NOS3: variants seen among roughly 807,000 people sequenced by gnomAD.
The protein encoded by NOS3 is NOS type III.
In NOS3, 98 loss-of-function variants were observed where a neutral mutation model predicts 144.9. The ratio of observed to expected loss-of-function variants is 0.68; its 90% CI spans 0.57 to 0.80. The LOEUF is 0.80. Ranked by LOEUF, NOS3 falls within the 30% of genes least tolerant of loss-of-function variation. The probability of loss-of-function intolerance (pLI) is 0.00; values close to 1 mark genes in which losing one functional copy is unlikely to be tolerated. For synonymous variants in NOS3, 714 were observed against 702.4 expected, an observed-to-expected ratio of 1.02 and a Z score of -0.26; for missense variants, 1,465 against 1,656.4, an observed-to-expected ratio of 0.88 and a Z score of 2.01.
Position 150,993,695 on chromosome 7 carries a change from A to C in NOS3, c.-51-58A>C, listed in dbSNP as rs1209927607. On this transcript the variant is annotated intron_variant, in intron 1 of 26. Transcript: ENST00000297494. This position sits in a 1 kb window ranked among gnomAD's most constrained non-coding sequence, Gnocchi z 4.0. The stretch of plus-strand genomic sequence containing the variant: ...ATGGGATAGGGGCGGGGCGAGGGCC[A>C]GCACTGGAGAGCCCCCTCCCACTGC... 1 of 1,127,426 alleles carries C rather than the reference A, an allele frequency of 8.9e-7. No homozygotes were observed. Among genetic ancestry groups the C allele is most frequent in the East Asian group, 2.5e-5 (1 of 39,258 alleles). 69.8% of individuals were successfully genotyped at this position (1,127,426 alleles called of 1,614,324 possible). A position where few individuals can be genotyped will look rare whatever the true frequency, so the allele number is the denominator to read the frequency against.
In NOS3 at chr7:151,001,938, A is replaced by G. The variant is rs1167333851; in HGVS notation, c.1620A>G (p.Arg540=). 1 of 1,612,434 alleles carries G rather than the reference A, an allele frequency of 6.2e-7. No individual in the cohort carries two copies. The highest frequency in any genetic ancestry group is 1.7e-5 in the Admixed American group (1 of 59,916). ...RAQSYAQQLG[R]LFRKAFDPRV... ...AGAGCTACGCACAGCAGCTGGGGAG[A>G]CTCTTCCGGAAGGCTTTTGATCCCC... is the stretch of plus-strand genomic sequence containing the variant. The change falls in exon 13 of 27, where the codon AGA becomes AGG. Residue 540 remains arginine (R), a synonymous_variant. Transcript: ENST00000297494.
chr7:150,996,691 A>G, intron 4 of NOS3, 72 bp from the exon 5 acceptor site: 1 of 1,543,216 alleles, frequency 6.5e-7, no homozygotes, highest in East Asian at 2.3e-5. Flanking sequence ...GCACTTGCAC[A>G]AAGCCTGGAG....
chr7:151,000,469 T>C (rs1435023712), intron 9 of NOS3, 29 bp from the exon 10 acceptor site: 6 of 1,418,032 alleles, frequency 4.2e-6, no homozygotes, highest in African/African-American at 1.4e-5. Context: ...CCTCTGTCCC[T>C]ACCGATGCCA....
At position 151,002,673 on chromosome 7, in the gene NOS3, G is replaced by A. The variant is rs1795135862; in HGVS notation, c.1752+369G>A. On this transcript the variant is annotated intron_variant, in intron 14 of 26. Coordinates refer to ENST00000297494, the MANE Select transcript of NOS3 (RefSeq NM_000603.5). This position sits in a 1 kb window ranked among gnomAD's most constrained non-coding sequence, Gnocchi z 4.1. ...TGCTCGGGCACTGACAAGAAAAACAGGGATACGTCACTGAGGGCGGCTTCT... is the reference window on the plus strand; with the variant it reads ...TGCTCGGGCACTGACAAGAAAAACAAGGATACGTCACTGAGGGCGGCTTCT... Among the ~76,000 whole-genome samples, 1 of 152,218 alleles carries A rather than the reference G, an allele frequency of 6.6e-6. No individual in the cohort carries two copies. The highest frequency in any genetic ancestry group is 6.5e-5 in the Admixed American group (1 of 15,286).
rs780400434 is a variant in NOS3, at chr7:151,002,256, G to A, written c.1704G>A (p.Leu568=). 5.6e-6 allele frequency: 9 copies of A among 1,601,518 alleles called. No homozygotes were observed. The highest frequency in any genetic ancestry group is 7.7e-6 in the Non-Finnish European group (9 of 1,174,102). Residue 568 remains leucine, a synonymous_variant, in exon 14 of 27, where the codon CTG becomes CTA. Transcript: ENST00000297494. This position sits in a 1 kb window ranked among gnomAD's most constrained non-coding sequence, Gnocchi z 4.1. The part of the protein sequence containing the change: ...VVSLEHETLV[L]VVTSTFGNGD... ...CCCTCGAACACGAGACGCTGGTGCT[G>A]GTGGTAACCAGCACATTTGGGAATG... is the stretch of plus-strand genomic sequence containing the variant.
rs1177079858 is a variant in NOS3, at chr7:150,991,061, A to C, written c.-291A>C. The C allele has an allele frequency of 6.6e-6, 1 of 152,268 alleles. No homozygotes were observed. The highest frequency in any genetic ancestry group is 1.5e-5 in the Non-Finnish European group (1 of 68,076). 9.4% of individuals were successfully genotyped at this position (152,268 alleles called of 1,614,324 possible). ...AAGCTAGGAGGGGGTTGTTTACTGA[A>C]ACTAGGGGCAAGGAGACGAAGAGAA... On this transcript the variant is annotated 5_prime_UTR_variant, in exon 1 of 27. Transcript: ENST00000297494.
At chr7:151,012,521 G>T in intron 24 of NOS3, 49 bp downstream of exon 24, 1 of 1,579,058 alleles carries the variant, frequency 6.3e-7, no homozygotes. Flanking sequence ...CACAATCTAG[G>T]GACAGAGGGG....
In NOS3 at chr7:150,993,509, A is replaced by G. The variant is rs1277121322; in HGVS notation, c.-51-244A>G. On this transcript the variant is annotated intron_variant, in intron 1 of 26. Transcript: ENST00000297494. The surrounding 1 kb of genome is among the most constrained non-coding windows in gnomAD (Gnocchi z 4.0). Reference sequence around the variant, plus strand: ...GCCACTCCCCAATGCCCCAGCCCCCATGCTGCAGCCCCAGGGCTCTGCTGG... The same window carrying G: ...GCCACTCCCCAATGCCCCAGCCCCCGTGCTGCAGCCCCAGGGCTCTGCTGG... Among the ~76,000 whole-genome samples, 3 of 151,568 alleles carry G rather than the reference A, an allele frequency of 2.0e-5. No homozygotes were observed. Among genetic ancestry groups the G allele is most frequent in the Non-Finnish European group, 4.4e-5 (3 of 67,844 alleles).
chr7:151,000,358 C>T (rs1795062012), intron 9 of NOS3, 140 bp from the exon 10 acceptor site: 1 of 629,636 alleles, frequency 1.6e-6, no homozygotes, highest in Non-Finnish European at 2.9e-6. Flanking sequence ...CCTGAACCAG[C>T]CCCCTAGGCA....
chr7:151,008,229 GGAGGGGCCGAGGAAGGAAGGAAGA>G (rs1795235991), intron 17 of NOS3, among the ~76,000 whole-genome samples: 1 of 152,098 alleles, frequency 6.6e-6, no homozygotes, highest in Admixed American at 6.5e-5. Context: ...AGGAAGGGAG[GGAGGGGCCGAGGAAGGAAGGAAGA>G]GATATAAGAC....
chr7:151,004,477 G>T (rs1284145258), intron 14 of NOS3, among the ~76,000 whole-genome samples: 1 of 151,972 alleles, frequency 6.6e-6, no homozygotes, highest in Non-Finnish European at 1.5e-5. Context: ...CAGAAAATGG[G>T]GTATATTCAC....
At position 150,998,461 on chromosome 7, in the gene NOS3, C is replaced by A. The variant is rs1308654884; in HGVS notation, c.674+13C>A. ...GGGGCAACCTTCGGTGAGTGCCCCCCACCATGCCAGGCCCCAGCCTTCTTC... is the reference window on the plus strand; with the variant it reads ...GGGGCAACCTTCGGTGAGTGCCCCCAACCATGCCAGGCCCCAGCCTTCTTC... On this transcript the variant is annotated intron_variant, in intron 6 of 26. Coordinates refer to ENST00000297494, the MANE Select transcript of NOS3 (RefSeq NM_000603.5). This position sits in a 1 kb window ranked among gnomAD's most constrained non-coding sequence, Gnocchi z 5.0. The A allele has an allele frequency of 6.2e-7, 1 of 1,611,948 alleles. No individual in the cohort carries two copies. The highest frequency in any genetic ancestry group is 1.7e-5 in the Admixed American group (1 of 59,912).
intron 25 of NOS3, 107 bp downstream of exon 25, chr7:151,013,486 G>A (rs1000362669): frequency 4.3e-6 from 6 of 1,401,640 alleles, no homozygotes; most frequent in South Asian, 2.7e-5. Context: ...GGCCTCCCAC[G>A]ACCACTCAGC....
intron 23 of NOS3, chr7:151,011,887 G>T (rs1490671125): frequency 4.9e-6 from 2 of 407,180 alleles, no homozygotes; most frequent in South Asian, 1.8e-5. Flanking sequence ...GCCCGCTCTC[G>T]CAGCCAGGAA....
At chr7:151,000,463 T>C (rs1268295676) in intron 9 of NOS3, 35 bp from the exon 10 acceptor site, 1 of 1,338,178 alleles carries the variant, frequency 7.5e-7, no homozygotes, top group South Asian at 1.2e-5. Context: ...TGATCACCTC[T>C]GTCCCTACCG....
chr7:150,996,486 C>G lies in NOS3; in HGVS notation c.353C>G (p.Pro118Arg). The change falls in exon 4 of 27, where the codon CCG (proline) becomes CGG (arginine). Residue 118 changes from proline to arginine, a missense_variant. Coordinates refer to ENST00000297494, the MANE Select transcript of NOS3 (RefSeq NM_000603.5). ...KLQGRPSPGP[P>R]APEQLLSQAR... ...CAGGGCCGGCCCTCCCCCGGCCCCC[C>G]GGCCCCTGAGCAGCTGCTGAGTCAG... 3 of 1,602,416 alleles carry G rather than the reference C, an allele frequency of 1.9e-6. No individual in the cohort carries two copies. Among genetic ancestry groups the G allele is most frequent in the African/African-American group, 2.7e-5 (2 of 73,290 alleles).
At chr7:151,012,128 A>G in intron 23 of NOS3, 1 of 504,054 alleles carries the variant, frequency 2.0e-6, no homozygotes, top group East Asian at 3.1e-5. Flanking sequence ...TCATCTAAGT[A>G]TTCTTCAATC....
intron 22 of NOS3, 44 bp from the exon 23 acceptor site, chr7:151,010,855 G>C: frequency 5.6e-6 from 9 of 1,606,336 alleles, no homozygotes; most frequent in Non-Finnish European, 7.7e-6. Flanking sequence ...GGTTGGGACC[G>C]GCCCCTCTCT....
chr7:151,000,432 A>C, intron 9 of NOS3, 66 bp from the exon 10 acceptor site: 1 of 991,558 alleles, frequency 1.0e-6, no homozygotes, highest in Non-Finnish European at 1.6e-6. Context: ...AAACAGAGAT[A>C]GTCTCCCCAC....
Sources: gnomAD v4.1 joint callset for allele counts (sites outside exome capture counted in the v4.1 genomes callset) on GRCh38, gnomAD v4.1.1 for gene constraint, Gnocchi (gnomAD v3.1) non-coding constraint, MANE v1.5 for transcripts, NCBI Gene and HGNC (gene_info 2026-07-23, HGNC 2026-07-21) for gene names.